The following METAP2 variants were observed in gnomAD, a reference collection of about 807,000 sequenced individuals.
The protein encoded by METAP2 is methionyl aminopeptidase 2.
In METAP2, 25 loss-of-function variants were observed where a neutral mutation model predicts 59.4. The ratio of observed to expected loss-of-function variants is 0.42; its 90% confidence interval spans 0.31 to 0.59. The LOEUF (loss-of-function observed/expected upper bound fraction) is 0.59, where lower values mean the gene tolerates loss of function less well. METAP2 is among the 20% of genes least tolerant of loss of function. The probability of loss-of-function intolerance (pLI) is 0.16; values close to 1 mark genes in which losing one functional copy is unlikely to be tolerated. For synonymous variants in METAP2, 214 were observed against 194.1 expected (o/e 1.10, Z -0.85); for missense variants, 366 against 581.2 (o/e 0.63, Z 3.81).
intron 4 of METAP2, among the ~76,000 whole-genome samples, chr12:95,486,697 A>G (rs369018457): frequency 9.2e-5 from 14 of 152,196 alleles, no homozygotes; most frequent in African/African-American, 3.1e-4. Context: ...GGGTTCCTCC[A>G]TGTGGATCAG....
At chr12:95,485,307 G>A (rs1253863645) in intron 3 of METAP2, among the ~76,000 whole-genome samples, 1 of 152,010 alleles carries the variant, frequency 6.6e-6, no homozygotes, top group Non-Finnish European at 1.5e-5. Context: ...ATCTTTTTAA[G>A]TCCCTTGTCA....
intron 8 of METAP2, among the ~76,000 whole-genome samples, chr12:95,510,528 C>T (rs2076394722): frequency 6.6e-6 from 1 of 152,182 alleles, no homozygotes; most frequent in Admixed American, 6.5e-5. Flanking sequence ...GGCTTGAATT[C>T]ATTGATGAGA....
intron 8 of METAP2, among the ~76,000 whole-genome samples, chr12:95,504,850 T>C (rs2076346017): frequency 6.6e-6 from 1 of 152,230 alleles, no homozygotes; most frequent in Admixed American, 6.5e-5. Flanking sequence ...CAGTTCCTTC[T>C]GTATCACTTT....
At chr12:95,512,994 A>G in intron 10 of METAP2, 78 bp downstream of exon 10, 1 of 822,856 alleles carries the variant, frequency 1.2e-6, no homozygotes, top group Non-Finnish European at 2.0e-6. Context: ...AAAATGTGGC[A>G]TACATACAAA....
chr12:95,479,377 G>T (rs981225481), intron 2 of METAP2, among the ~76,000 whole-genome samples: 2 of 152,176 alleles, frequency 1.3e-5, no homozygotes, highest in Non-Finnish European at 2.9e-5. Flanking sequence ...CAGAATGTTG[G>T]TGCTGTTGAC....
intron 6 of METAP2, among the ~76,000 whole-genome samples, chr12:95,495,703 T>G (rs1427956937): frequency 1.3e-5 from 2 of 152,154 alleles, no homozygotes; most frequent in African/African-American, 4.8e-5. Context: ...CCCTAGTCTT[T>G]TCTTGTATTC....
At position 95,515,708 on chromosome 12, in the gene METAP2, T is replaced by C. The variant is rs2076442934; in HGVS notation, c.*1804T>C. The C allele has an allele frequency of 1.3e-5, 2 of 152,188 alleles. No homozygotes were observed. The highest frequency in any genetic ancestry group is 4.1e-4 in the South Asian group (2 of 4,834). The allele number at this position is 152,188 out of a possible 1,614,324, so 9.4% of individuals were successfully genotyped here. A position where few individuals can be genotyped will look rare whatever the true frequency, so the allele number is the denominator to read the frequency against. On this transcript the variant is annotated 3_prime_UTR_variant, in exon 11 of 11. Transcript: ENST00000323666. ...TAAGTAGGAAAGCTGTAACTAAAAA[T>C]TGTATTGTTTGCTTATTAGCCATGT...
At chr12:95,474,587 A>G (rs1414462496) in intron 1 of METAP2, among the ~76,000 whole-genome samples, 1 of 152,154 alleles carries the variant, frequency 6.6e-6, no homozygotes, top group East Asian at 1.9e-4. Flanking sequence ...GCTGGGCCCG[A>G]GCCCCTGTAT....
Position 95,514,106 on chromosome 12 carries a change from TGCTA to T in METAP2, c.*203_*206del. 1 of 549,732 alleles carries T rather than the reference TGCTA, an allele frequency of 1.8e-6. No homozygotes were observed. Among genetic ancestry groups the T allele is most frequent in the Non-Finnish European group, 3.0e-6 (1 of 332,232 alleles). 34.1% of individuals were successfully genotyped at this position (549,732 alleles called of 1,614,324 possible). A position where few individuals can be genotyped will look rare whatever the true frequency, so the allele number is the denominator to read the frequency against. Reference sequence around the variant, plus strand: ...CGAAAAAGCTTTCCGGACTTTTAAATGCTAACTGTTTTTCCCCTTCCTGTCTAGG... The same window carrying T: ...CGAAAAAGCTTTCCGGACTTTTAAATACTGTTTTTCCCCTTCCTGTCTAGG... On this transcript the variant is annotated 3_prime_UTR_variant, in exon 11 of 11. Coordinates refer to ENST00000323666, the MANE Select transcript of METAP2 (RefSeq NM_006838.4).
intron 4 of METAP2, among the ~76,000 whole-genome samples, chr12:95,491,582 C>T (rs2076237925): frequency 6.8e-6 from 1 of 146,428 alleles, no homozygotes; most frequent in African/African-American, 2.6e-5. Flanking sequence ...GCAGTCTTGG[C>T]TCACTGCAAC....
chr12:95,489,398 C>T (rs2076221097), intron 4 of METAP2, among the ~76,000 whole-genome samples: 1 of 152,070 alleles, frequency 6.6e-6, no homozygotes. Flanking sequence ...AAGTAATTTT[C>T]TTAAATATTG....
chr12:95,484,856 G>A (rs2076184344), intron 3 of METAP2: 1 of 455,292 alleles, frequency 2.2e-6, no homozygotes, highest in South Asian at 1.6e-5. Flanking sequence ...TGTGGTTTTT[G>A]TGTTGGCCTC....
At chr12:95,477,624 G>A (rs969813490) in intron 2 of METAP2, among the ~76,000 whole-genome samples, 2 of 152,150 alleles carry the variant, frequency 1.3e-5, no homozygotes, top group Non-Finnish European at 2.9e-5. Context: ...GAGGAAAAAT[G>A]GGGCTTTCCC....
Position 95,474,251 on chromosome 12 carries a change from A to G in METAP2, c.72A>G (p.Glu24=). Residue 24 remains glutamate, a synonymous_variant, in exon 1 of 11, where the codon GAA becomes GAG. Coordinates refer to ENST00000323666, the MANE Select transcript of METAP2 (RefSeq NM_006838.4). ...GCGACCTGGATCCAGACGACAGGGA[A>G]GAAGGAGCTGCCTCTACGGCTGAGG... ...LNGDLDPDDR[E]EGAASTAEEA... 1.9e-6 allele frequency: 3 copies of G among 1,614,248 alleles called. No homozygotes were observed. The highest frequency in any genetic ancestry group is 2.5e-6 in the Non-Finnish European group (3 of 1,180,034).
intron 4 of METAP2, among the ~76,000 whole-genome samples, chr12:95,487,738 G>A (rs2076208133): frequency 2.0e-5 from 3 of 151,640 alleles, no homozygotes; most frequent in African/African-American, 7.3e-5. Flanking sequence ...ATCATTGTTT[G>A]TTTTACAAAA....
chr12:95,498,083 A>G (rs552898503), intron 7 of METAP2, among the ~76,000 whole-genome samples: 61 of 151,358 alleles, frequency 4.0e-4, no homozygotes, highest in South Asian at 6.3e-4. Context: ...CAGTGAGCCG[A>G]GATCGCCCCA....
intron 4 of METAP2, among the ~76,000 whole-genome samples, chr12:95,491,291 G>A (rs2076236082): frequency 6.6e-6 from 1 of 151,752 alleles, no homozygotes; most frequent in African/African-American, 2.4e-5. Flanking sequence ...TTGCTTTTAT[G>A]GGTTATTTCA....
intron 8 of METAP2, among the ~76,000 whole-genome samples, chr12:95,505,429 G>A (rs1463493975): frequency 6.6e-6 from 1 of 152,056 alleles, no homozygotes; most frequent in Non-Finnish European, 1.5e-5. Flanking sequence ...CTGGGTTCAA[G>A]CGATTCTGCC....
rs2076099441 is a variant in METAP2 at position 95,474,184 on chromosome 12, C to A, written c.5C>A (p.Ala2Glu). 2 of 1,613,432 alleles carry A rather than the reference C, an allele frequency of 1.2e-6. No homozygotes were observed. M[A>E]GVEEVAASGS... ...CCTCGCGCTCTCTCGGGCAACATGG[C>A]GGGTGTGGAGGAGGTAGCGGCCTCC... Residue 2 changes from alanine (A) to glutamate (E), a missense_variant, in exon 1 of 11, where the codon GCG (alanine) becomes GAG (glutamate). This residue lies in a region of METAP2 where 177 missense variants were observed against 180.3 expected (regional missense o/e 0.98). Coordinates refer to ENST00000323666, the MANE Select transcript of METAP2 (RefSeq NM_006838.4).
Sources: gnomAD v4.1 joint callset for allele counts (sites outside exome capture counted in the v4.1 genomes callset) on GRCh38, gnomAD v4.1.1 for gene constraint, gnomAD v4.1.1 regional missense constraint, MANE v1.5 for transcripts, NCBI Gene and HGNC (gene_info 2026-07-23, HGNC 2026-07-21) for gene names.